Variants in RANBP2 observed in about 807,000 individuals in gnomAD.
The protein encoded by RANBP2 is E3 SUMO-protein ligase RanBP2.
RANBP2 carries 57 observed loss-of-function variants against 303.6 expected under a neutral mutation model. The ratio of observed to expected loss-of-function variants is 0.19; its 90% CI spans 0.15 to 0.23. The LOEUF is 0.23. Among genes scored for constraint, RANBP2 ranks in the 10% least tolerant of loss-of-function variants. The pLI, the probability that RANBP2 is intolerant of heterozygous loss-of-function variation, is 1.00. For synonymous variants in RANBP2, 1,167 were observed against 1,301.5 expected (o/e 0.90, Z 2.23); for missense variants, 3,138 against 3,780.8 (o/e 0.83, Z 4.46).
chr2:109,364,850 G>A, the RANBP2 span, among the ~76,000 whole-genome samples: 3 of 152,110 alleles, frequency 2.0e-5, no homozygotes, highest in African/African-American at 4.8e-5. Flanking sequence ...CAGCACTTTG[G>A]GAGGCCAGTG....
chr2:109,614,275 G>A, the RANBP2 span: 103,748 of 624,564 alleles, frequency 0.17, 10,855 homozygotes, highest in Non-Finnish European at 0.19. Flanking sequence ...AGTGGGCGTG[G>A]CCTGGTGGCG....
the RANBP2 span, among the ~76,000 whole-genome samples, chr2:109,713,653 T>C: frequency 3.3e-5 from 5 of 152,198 alleles, no homozygotes; most frequent in African/African-American, 1.2e-4. Flanking sequence ...CTTGGCCTGC[T>C]GGGGTCCCTG....
the RANBP2 span, among the ~76,000 whole-genome samples, chr2:109,553,544 CAA>C: frequency 3.2e-4 from 31 of 95,414 alleles, no homozygotes; most frequent in Admixed American, 3.5e-4. Flanking sequence ...ACTCTGTCTC[CAA>C]AAAAAAAAAA....
chr2:109,009,639 C>T, the RANBP2 span, among the ~76,000 whole-genome samples: 2 of 151,972 alleles, frequency 1.3e-5, no homozygotes, highest in African/African-American at 4.8e-5. Flanking sequence ...TATCCTCCCA[C>T]CTGAGCCTCC....
At chr2:109,180,174 A>G in the RANBP2 span, among the ~76,000 whole-genome samples, 7 of 149,758 alleles carry the variant, frequency 4.7e-5, no homozygotes, top group Admixed American at 2.0e-4. Context: ...TTCTCTGTCT[A>G]CTTCCCTCTC....
At chr2:108,773,417 G>T (rs1677648429) in intron 23 of RANBP2, among the ~76,000 whole-genome samples, 1 of 152,090 alleles carries the variant, frequency 6.6e-6, no homozygotes, top group East Asian at 1.9e-4. Context: ...CTACTAAATG[G>T]GTTTAAGGGT....
At chr2:108,912,396 CG>C in the RANBP2 span, among the ~76,000 whole-genome samples, 1 of 152,190 alleles carries the variant, frequency 6.6e-6, no homozygotes, top group African/African-American at 2.4e-5. Flanking sequence ...TCCTCCTGGC[CG>C]GGCTTGCAGC....
the RANBP2 span, among the ~76,000 whole-genome samples, chr2:109,461,271 G>T: frequency 6.6e-6 from 1 of 152,246 alleles, no homozygotes; most frequent in Non-Finnish European, 1.5e-5. Context: ...GGTGGCTCAT[G>T]GTCAAGCATT....
the RANBP2 span, among the ~76,000 whole-genome samples, chr2:109,391,901 G>T: frequency 6.6e-6 from 1 of 151,896 alleles, no homozygotes. Flanking sequence ...GTGCAGTGGC[G>T]TGACCTCTCA....
chr2:109,247,943 G>C, the RANBP2 span, among the ~76,000 whole-genome samples: 403 of 152,266 alleles, frequency 2.6e-3, 2 homozygotes, highest in African/African-American at 9.3e-3. Context: ...AGACTCCAAC[G>C]TGCAAGCGCT....
At chr2:109,393,636 C>G in the RANBP2 span, among the ~76,000 whole-genome samples, 1 of 152,016 alleles carries the variant, frequency 6.6e-6, no homozygotes, top group Non-Finnish European at 1.5e-5. Context: ...CCCTTGGCTT[C>G]CTGGATTTCC....
the RANBP2 span, chr2:108,876,131 C>G: frequency 1.2e-6 from 2 of 1,606,860 alleles, no homozygotes; most frequent in Non-Finnish European, 1.7e-6. Flanking sequence ...TCATCTGATG[C>G]TTCAAGAAAT....
chr2:109,525,076 G>A, the RANBP2 span, among the ~76,000 whole-genome samples: 6,893 of 144,916 alleles, frequency 0.048, 544 homozygotes, highest in African/African-American at 0.16. Context: ...GCTCCTTACC[G>A]TTGTTTTTTT....
the RANBP2 span, among the ~76,000 whole-genome samples, chr2:109,594,515 T>C: frequency 6.6e-6 from 1 of 152,194 alleles, no homozygotes; most frequent in Non-Finnish European, 1.5e-5. Context: ...CAGTAGTATT[T>C]AGATCTACCT....
the RANBP2 span, among the ~76,000 whole-genome samples, chr2:109,598,677 TACTA>T: frequency 3.9e-5 from 6 of 151,952 alleles, no homozygotes; most frequent in East Asian, 1.2e-3. Flanking sequence ...ACCCCATCTC[TACTA>T]AAAATACAAA....
the RANBP2 span, chr2:109,618,015 CAAAAAA>C: frequency 6.4e-4 from 75 of 117,700 alleles, no homozygotes; most frequent in Non-Finnish European, 2.9e-4. Context: ...GACTCTGTCT[CAAAAAA>C]AAAAAAAAAA....
In RANBP2 at chr2:108,766,766, G is replaced by A. The variant is rs1245565370; in HGVS notation, c.6227G>A (p.Arg2076Gln). 7 of 1,612,008 alleles carry A rather than the reference G, an allele frequency of 4.3e-6. No individual in the cohort carries two copies. Among genetic ancestry groups the A allele is most frequent in the East Asian group, 2.2e-5 (1 of 44,878 alleles). The change falls in exon 20 of 29, where the codon CGA (arginine) becomes CAA (glutamine). Residue 2076 changes from arginine (R) to glutamine (Q), a missense_variant. Coordinates refer to ENST00000283195, the MANE Select transcript of RANBP2 (RefSeq NM_006267.5). ...EVNGKLRMLMRREQVLKVCAN... is the reference protein window; with the variant it reads ...EVNGKLRMLMQREQVLKVCAN... ...AATGGCAAACTAAGAATGCTGATGCGAAGAGAACAAGTACTAAAAGTGTGT... is the reference window on the plus strand; with the variant it reads ...AATGGCAAACTAAGAATGCTGATGCAAAGAGAACAAGTACTAAAAGTGTGT...
chr2:109,195,124 G>C, the RANBP2 span, among the ~76,000 whole-genome samples: 2 of 152,234 alleles, frequency 1.3e-5, no homozygotes, highest in Non-Finnish European at 2.9e-5. Flanking sequence ...GTAGCTGGCA[G>C]ATGGATAAAA....
chr2:109,492,739 G>A, the RANBP2 span, among the ~76,000 whole-genome samples: 26 of 152,228 alleles, frequency 1.7e-4, no homozygotes, highest in East Asian at 1.9e-4. Flanking sequence ...CATGGCCCAC[G>A]CCCTGAGCTA....
Sources: allele counts gnomAD v4.1 joint callset (sites outside exome capture counted in the v4.1 genomes callset), GRCh38; gene constraint gnomAD v4.1.1; transcripts MANE v1.5; gene names NCBI Gene and HGNC (gene_info 2026-07-23, HGNC 2026-07-21).